RBFOX1: variants seen among roughly 807,000 people sequenced by gnomAD.
The protein encoded by RBFOX1 is RNA binding protein fox-1 homolog 1.
Under a neutral mutation model 57.7 loss-of-function variants are expected in RBFOX1, and 8 were observed. The ratio of observed to expected loss-of-function variants is 0.14; its 90% CI spans 0.08 to 0.25. RBFOX1 has a LOEUF of 0.25. RBFOX1 is among the 10% of genes least tolerant of loss of function. RBFOX1 has a pLI of 1.00. For synonymous variants in RBFOX1, 326 were observed against 222.4 expected, an observed-to-expected ratio of 1.47 and a Z score of -4.15; for missense variants, 611 against 548.5, an observed-to-expected ratio of 1.11 and a Z score of -1.14.
intron 3 of RBFOX1, among the ~76,000 whole-genome samples, chr16:6,879,512 A>C (rs1238516077): frequency 1.3e-5 from 2 of 152,182 alleles, no homozygotes; most frequent in Non-Finnish European, 2.9e-5. Flanking sequence ...TTACAAACTT[A>C]CTTGCTACAA....
At chr16:6,008,065 C>T (rs1013521785) in intron 4 of RBFOX1, among the ~76,000 whole-genome samples, 1 of 152,066 alleles carries the variant, frequency 6.6e-6, no homozygotes, top group Non-Finnish European at 1.5e-5. Flanking sequence ...ATTAGCCAGG[C>T]ATGGTGGCAT....
At chr16:6,987,484 C>G (rs1178176040) in intron 3 of RBFOX1, among the ~76,000 whole-genome samples, 1 of 122,636 alleles carries the variant, frequency 8.2e-6, no homozygotes, top group African/African-American at 4.5e-5. Flanking sequence ...CACACACACA[C>G]ACACACACAC....
intron 1 of RBFOX1, among the ~76,000 whole-genome samples, chr16:5,317,489 A>T (rs924985055): frequency 6.6e-6 from 1 of 152,166 alleles, no homozygotes; most frequent in Non-Finnish European, 1.5e-5. Context: ...CACGCCTGCA[A>T]TCTCAGCTAC....
intron 2 of RBFOX1, among the ~76,000 whole-genome samples, chr16:6,427,170 A>C (rs1030943518): frequency 1.3e-5 from 2 of 152,184 alleles, no homozygotes; most frequent in Non-Finnish European, 2.9e-5. Flanking sequence ...TTCCATATTA[A>C]ATGTTATAAA....
chr16:7,240,803 G>T (rs968118760), intron 4 of RBFOX1, among the ~76,000 whole-genome samples: 9 of 152,252 alleles, frequency 5.9e-5, no homozygotes, highest in African/African-American at 1.7e-4. Context: ...CTCCTGGACT[G>T]AAGCGATCCA....
chr16:7,667,155 C>CCTGTCT (rs1465712862), intron 13 of RBFOX1, among the ~76,000 whole-genome samples: 1 of 152,146 alleles, frequency 6.6e-6, no homozygotes, highest in East Asian at 1.9e-4. Flanking sequence ...ATGTTTCTGT[C>CCTGTCT]CTGTCTCTAA....
In RBFOX1 at chr16:7,537,848, A is replaced by G. The variant is rs1318508650; in HGVS notation, c.270+19459A>G. 7.9e-5 allele frequency among the ~76,000 whole-genome samples: 12 copies of G among 152,352 alleles called. No individual in the cohort carries two copies. The East Asian group carries it at 2.3e-3, about 29-fold the overall frequency. On this transcript the variant is annotated intron_variant, in intron 5 of 15. Coordinates refer to ENST00000550418, the MANE Select transcript of RBFOX1 (RefSeq NM_018723.4). ...ATTATGCATTGGAAAACAATTCTGG[A>G]TAAATTAATTTCCATCATACATAAT...
intron 1 of RBFOX1, among the ~76,000 whole-genome samples, chr16:5,458,298 A>G (rs1414490717): frequency 2.6e-5 from 4 of 151,840 alleles, no homozygotes; most frequent in African/African-American, 4.8e-5. Flanking sequence ...CGATGAATCA[A>G]TGATTTATTA....
intron 3 of RBFOX1, among the ~76,000 whole-genome samples, chr16:5,843,969 A>C (rs1268479046): frequency 2.0e-5 from 3 of 152,200 alleles, no homozygotes; most frequent in African/African-American, 7.2e-5. Flanking sequence ...TAGAGGGGAG[A>C]ACATCATCTC....
chr16:6,991,106 A>G (rs1019561903), intron 3 of RBFOX1, among the ~76,000 whole-genome samples: 2 of 138,450 alleles, frequency 1.4e-5, no homozygotes, highest in African/African-American at 5.4e-5. Context: ...GTTCGAGGCC[A>G]TCCTAGGCAA....
chr16:5,306,925 C>A (rs888776147), intron 1 of RBFOX1, among the ~76,000 whole-genome samples: 2 of 152,188 alleles, frequency 1.3e-5, no homozygotes, highest in Non-Finnish European at 2.9e-5. Context: ...TGTCTAGAAG[C>A]AGCAGCCAGT....
At chr16:7,573,422 C>G (rs548867782) in intron 5 of RBFOX1, among the ~76,000 whole-genome samples, 4 of 152,266 alleles carry the variant, frequency 2.6e-5, no homozygotes, top group African/African-American at 9.6e-5. Context: ...AACATCCTTA[C>G]TTTACTGACT....
intron 1 of RBFOX1, among the ~76,000 whole-genome samples, chr16:6,183,552 T>C (rs935039330): frequency 6.6e-6 from 1 of 151,170 alleles, no homozygotes; most frequent in Non-Finnish European, 1.5e-5. Context: ...ATATGTTCGA[T>C]TGGGTAAGGG....
intron 4 of RBFOX1, among the ~76,000 whole-genome samples, chr16:7,182,297 C>T (rs939610489): frequency 3.9e-5 from 6 of 151,948 alleles, no homozygotes; most frequent in East Asian, 1.9e-4. Context: ...GGTTGAATTC[C>T]GAGAGTCACC....
At chr16:6,320,100 G>A (rs1222959871) in intron 2 of RBFOX1, among the ~76,000 whole-genome samples, 2 of 152,054 alleles carry the variant, frequency 1.3e-5, no homozygotes, top group Non-Finnish European at 2.9e-5. Flanking sequence ...GGGAAGGTTG[G>A]GAGGAGGTTG....
At chr16:7,533,643 G>A (rs1273996583) in intron 5 of RBFOX1, among the ~76,000 whole-genome samples, 4 of 152,184 alleles carry the variant, frequency 2.6e-5, no homozygotes, top group African/African-American at 9.7e-5. Context: ...ATACTGAAGT[G>A]TCAAATATCT....
In RBFOX1 at chr16:6,328,743, T is replaced by G. The variant is rs113101972; in HGVS notation, c.-64+11686T>G. 7.8e-3 allele frequency among the ~76,000 whole-genome samples: 1,184 copies of G among 152,026 alleles called. 13 individuals are homozygous for G. The highest frequency in any genetic ancestry group is 0.025 in the African/African-American group (1,047 of 41,524). ...GTGAAGATTAAATAAAAATTCCTTT[T>G]TGGGAGGAGGGGATGCCTGTTAGGG... On this transcript the variant is annotated intron_variant, in intron 2 of 15. Transcript: ENST00000550418.
At chr16:5,664,253 T>G (rs1021862463) in intron 3 of RBFOX1, among the ~76,000 whole-genome samples, 1 of 152,170 alleles carries the variant, frequency 6.6e-6, no homozygotes, top group African/African-American at 2.4e-5. Flanking sequence ...GTGAACTCTT[T>G]AAAAGTGGAT....
intron 2 of RBFOX1, among the ~76,000 whole-genome samples, chr16:6,520,940 AG>A (rs539520558): frequency 1.2e-4 from 18 of 152,154 alleles, no homozygotes; most frequent in Admixed American, 2.6e-4. Context: ...GAAAGAGTGT[AG>A]GGGGGGAAAA....
Sources: gnomAD v4.1 joint callset for allele counts (sites outside exome capture counted in the v4.1 genomes callset) on GRCh38, gnomAD v4.1.1 for gene constraint, MANE v1.5 for transcripts, NCBI Gene and HGNC (gene_info 2026-07-23, HGNC 2026-07-21) for gene names.